OR5B2: variants seen among roughly 807,000 people sequenced by gnomAD.
OR5B2 encodes the protein olfactory receptor 5B2.
For synonymous variants in OR5B2, 163 were observed against 140.8 expected, an observed-to-expected ratio of 1.16 and a Z score of -1.11; for missense variants, 411 against 367.0, an observed-to-expected ratio of 1.12 and a Z score of -0.98.
intron 1 of OR5B2, among the ~76,000 whole-genome samples, chr11:58,427,470 A>G (rs1427337460): frequency 6.6e-6 from 1 of 152,178 alleles, no homozygotes; most frequent in Non-Finnish European, 1.5e-5. Flanking sequence ...TATAGGTTGT[A>G]TAAACACTTA....
intron 1 of OR5B2, among the ~76,000 whole-genome samples, 186 bp downstream of exon 1, chr11:58,427,833 A>G (rs1419782392): frequency 6.6e-6 from 1 of 152,114 alleles, no homozygotes; most frequent in Non-Finnish European, 1.5e-5. Flanking sequence ...GACTTGGGGA[A>G]CAGTCAAGGG....
Position 58,422,997 on chromosome 11 carries a change from C to T in OR5B2, c.265G>A (p.Val89Ile), listed in dbSNP as rs774268717. The T allele has an allele frequency of 5.0e-6, 8 of 1,613,794 alleles. No individual in the cohort carries two copies. The highest frequency in any genetic ancestry group is 1.7e-5 in the Admixed American group (1 of 59,952). The change falls in exon 3 of 3, where the codon GTC (valine) becomes ATC (isoleucine). Residue 89 changes from valine to isoleucine, a missense_variant. Val to Ile is a conservative substitution (Grantham distance 29, BLOSUM62 3). Transcript: ENST00000641342. ...VMAGFLRGDK[V>I]ISYNACAVQM... ...ACAGCACATGCATTGTAGGAGATGA[C>T]CTTGTCTCCTCTAAGGAACCCAGCC...
rs891125281 is a variant in OR5B2, at chr11:58,426,296, A to C, written c.-29+326T>G. Among the ~76,000 whole-genome samples, 5 of 152,088 alleles carry C rather than the reference A, an allele frequency of 3.3e-5. No homozygotes were observed. The East Asian group carries it at 7.7e-4, about 24-fold the overall frequency. On this transcript the variant is annotated intron_variant, in intron 2 of 2. Transcript: ENST00000641342. ...CTCAGGTATTAGCCTGGGACCCATT[A>C]GTTATTTTTTTTCTGATCCTCTCCC... is the stretch of plus-strand genomic sequence containing the variant.
rs868791170 is a variant in OR5B2, at chr11:58,421,704, G to A, written c.*628C>T. 5 of 152,210 alleles carry A rather than the reference G, an allele frequency of 3.3e-5. 1 individual carries two copies. Among genetic ancestry groups the A allele is most frequent in the Middle Eastern group, 6.8e-3 (2 of 292 alleles). The allele number at this position is 152,210 out of a possible 1,614,324, so 9.4% of individuals were successfully genotyped here. A position where few individuals can be genotyped will look rare whatever the true frequency, so the allele number is the denominator to read the frequency against. On this transcript the variant is annotated 3_prime_UTR_variant, in exon 3 of 3. Coordinates refer to ENST00000641342, the MANE Select transcript of OR5B2 (RefSeq NM_001005566.3). ...CTTGAGATGATAATGATGTGTCAATGTAGGTTCATCAATTGTAAAAAATGT... is the reference window on the plus strand; with the variant it reads ...CTTGAGATGATAATGATGTGTCAATATAGGTTCATCAATTGTAAAAAATGT...
chr11:58,423,264 G>C lies in OR5B2; in HGVS notation c.-3C>G, dbSNP rs372579367. ...GTCACTTCCGTACAATTCTCCATCA[G>C]TATTATCTGAGAAACTTAAGATGAC... On this transcript the variant is annotated 5_prime_UTR_variant, in exon 3 of 3. Transcript: ENST00000641342. 3.9e-6 allele frequency: 6 copies of C among 1,552,866 alleles called. No homozygotes were observed. The highest frequency in any genetic ancestry group is 1.2e-5 in the South Asian group (1 of 82,898).
chr11:58,426,961 C>T (rs1311815065), intron 1 of OR5B2, among the ~76,000 whole-genome samples: 2 of 152,100 alleles, frequency 1.3e-5, no homozygotes, highest in Non-Finnish European at 2.9e-5. Flanking sequence ...TTGTTGCAGA[C>T]TCAGAGTAAT....
chr11:58,428,032 G>A lies in OR5B2; in HGVS notation c.-97C>T, dbSNP rs1348739636. ...TTGTGATCTTACCTTGATTGGAGGA[G>A]GAATCCACATGGCCAGAATGGAGAG... On this transcript the variant is annotated 5_prime_UTR_variant, in exon 1 of 3. Transcript: ENST00000641342. The A allele has an allele frequency of 6.6e-6, 1 of 152,400 alleles. No homozygotes were observed. The highest frequency in any genetic ancestry group is 1.5e-5 in the Non-Finnish European group (1 of 68,254). 9.4% of individuals were successfully genotyped at this position (152,400 alleles called of 1,614,324 possible).
rs992693950 is a variant in OR5B2 at position 58,423,073 on chromosome 11, G to T, written c.189C>A (p.Asn63Lys). 23 of 1,613,728 alleles carry T rather than the reference G, an allele frequency of 1.4e-5. No homozygotes were observed. Among genetic ancestry groups the T allele is most frequent in the Middle Eastern group, 1.7e-4 (1 of 6,058 alleles). Residue 63 changes from asparagine (N) to lysine (K), a missense_variant, in exon 3 of 3, where the codon AAC (asparagine) becomes AAA (lysine). Physicochemically the swap from Asn to Lys is moderately conservative, Grantham distance 94. Coordinates refer to ENST00000641342, the MANE Select transcript of OR5B2 (RefSeq NM_001005566.3). ...LHTPMYFFLSNLSLVDFGYSS... is the reference protein window; with the variant it reads ...LHTPMYFFLSKLSLVDFGYSS... ...AGTATCCAAAGTCCACCAGAGACAG[G>T]TTACTGAGGAAAAAGTACATGGGGG...
intron 2 of OR5B2, among the ~76,000 whole-genome samples, chr11:58,425,586 G>A (rs192483612): frequency 3.3e-5 from 5 of 152,084 alleles, no homozygotes; most frequent in Admixed American, 2.0e-4. Context: ...AAAAAAATAT[G>A]TCTCAGGTAG....
chr11:58,424,250 C>T (rs1242532727), intron 2 of OR5B2, among the ~76,000 whole-genome samples: 3 of 152,102 alleles, frequency 2.0e-5, no homozygotes, highest in Non-Finnish European at 2.9e-5. Flanking sequence ...ATAATATTAT[C>T]GTTAGAATGG....
rs746478848 is a variant in OR5B2, at chr11:58,422,789, A to G, written c.473T>C (p.Ile158Thr). 5.6e-5 allele frequency: 91 copies of G among 1,613,696 alleles called. No homozygotes were observed. Among genetic ancestry groups the G allele is most frequent in the African/African-American group, 2.9e-4 (22 of 74,898 alleles). The change falls in exon 3 of 3, where the codon ATT becomes ACT. Residue 158 changes from isoleucine (I) to threonine (T), a missense_variant. Physicochemically the swap from Ile to Thr is moderately conservative, Grantham distance 89 (BLOSUM62 -1). Transcript: ENST00000641342. The part of the protein sequence containing the change: ...VCGFLNASFH[I>T]GGIFSLSFCK... ...GAAAGAGAGACTGAATATGCCCCCA[A>G]TGTGGAATGAGGCATTTAGGAAGCC...
Position 58,423,173 on chromosome 11 carries a change from G to T in OR5B2, c.89C>A (p.Thr30Asn). The T allele has an allele frequency of 6.2e-7, 1 of 1,613,610 alleles. No homozygotes were observed. Among genetic ancestry groups the T allele is most frequent in the Middle Eastern group, 1.7e-4 (1 of 6,054 alleles). The change falls in exon 3 of 3, where the codon ACC becomes AAC. Residue 30 changes from threonine to asparagine, a missense_variant. Thr to Asn is a moderately conservative substitution (Grantham distance 65). Coordinates refer to ENST00000641342, the MANE Select transcript of OR5B2 (RefSeq NM_001005566.3). ...ACACAGAGTGAGGAGGTAGATGAAG[G>T]TGAACAAGATAAAGAGGGGGATCTG... ...ELQIPLFILF[T>N]FIYLLTLCGN...
In OR5B2 at chr11:58,422,975, G is replaced by A; in HGVS notation, c.287C>T (p.Ala96Val). Residue 96 changes from alanine (A) to valine (V), a missense_variant, in exon 3 of 3, where the codon GCT becomes GTT. Transcript: ENST00000641342. ...GGCTACAAAGAAGAACATCTGAACA[G>A]CACATGCATTGTAGGAGATGACCTT... ...GDKVISYNACAVQMFFFVALA... is the reference protein window; with the variant it reads ...GDKVISYNACVVQMFFFVALA... The A allele has an allele frequency of 6.2e-7, 1 of 1,613,842 alleles. No individual in the cohort carries two copies. The highest frequency in any genetic ancestry group is 8.5e-7 in the Non-Finnish European group (1 of 1,179,854).
chr11:58,423,368 T>G (rs1855303816), intron 2 of OR5B2, 79 bp from the exon 3 acceptor site: 1 of 610,318 alleles, frequency 1.6e-6, no homozygotes, highest in African/African-American at 1.9e-5. Flanking sequence ...ATATGCATTA[T>G]GTAATTATAG....
Position 58,423,302 on chromosome 11 carries a change from G to T in OR5B2, c.-28-13C>A. ...AACTTAAGATGACCTGTAGCAATGA[G>T]AAATAAAGCAATAGAGTGATAAACA... is the stretch of plus-strand genomic sequence containing the variant. On this transcript the variant is annotated splice_polypyrimidine_tract_variant and intron_variant, in intron 2 of 2. Coordinates refer to ENST00000641342, the MANE Select transcript of OR5B2 (RefSeq NM_001005566.3). 8.0e-7 allele frequency: 1 copy of T among 1,247,310 alleles called. No homozygotes were observed. The highest frequency in any genetic ancestry group is 1.1e-6 in the Non-Finnish European group (1 of 889,032). The allele number at this position is 1,247,310 out of a possible 1,614,324, so 77.3% of individuals were successfully genotyped here.
chr11:58,427,778 A>T (rs1292230722), intron 1 of OR5B2, among the ~76,000 whole-genome samples: 1 of 152,148 alleles, frequency 6.6e-6, no homozygotes, highest in Non-Finnish European at 1.5e-5. Context: ...AAGCCAGGCA[A>T]CCTAGGCTAT....
rs1385651202 is a variant in OR5B2, at chr11:58,421,965, T to G, written c.*367A>C. ...TAAATTTCTCCTTCTAATGCCTATG[T>G]GCCCACAAGAGGCATAAACATGTAC... On this transcript the variant is annotated 3_prime_UTR_variant, in exon 3 of 3. Coordinates refer to ENST00000641342, the MANE Select transcript of OR5B2 (RefSeq NM_001005566.3). The G allele has an allele frequency of 1.2e-5, 2 of 165,736 alleles. No homozygotes were observed. Among genetic ancestry groups the G allele is most frequent in the Non-Finnish European group, 2.6e-5 (2 of 76,608 alleles). The allele number at this position is 165,736 out of a possible 1,614,324, so 10.3% of individuals were successfully genotyped here.
chr11:58,422,812 G>A lies in OR5B2; in HGVS notation c.450C>T (p.Gly150=), dbSNP rs993867468. The A allele has an allele frequency of 6.2e-7, 1 of 1,613,800 alleles. No individual in the cohort carries two copies. The highest frequency in any genetic ancestry group is 1.1e-5 in the South Asian group (1 of 91,066). The change falls in exon 3 of 3, where the codon GGC becomes GGT. Residue 150 remains glycine, a synonymous_variant. Transcript: ENST00000641342. ...ACLALGSYVC[G]FLNASFHIGG... is the part of the protein sequence containing the mutation. Reference sequence around the variant, plus strand: ...CAATGTGGAATGAGGCATTTAGGAAGCCACAGACATATGAGCCTAGGGCCA... The same window carrying A: ...CAATGTGGAATGAGGCATTTAGGAAACCACAGACATATGAGCCTAGGGCCA...
intron 2 of OR5B2, 72 bp from the exon 3 acceptor site, chr11:58,423,361 T>C: frequency 3.1e-6 from 2 of 643,892 alleles, no homozygotes; most frequent in Non-Finnish European, 2.5e-6. Flanking sequence ...AAATACTATA[T>C]GCATTATGTA....
Sources: gnomAD v4.1 joint callset for allele counts (sites outside exome capture counted in the v4.1 genomes callset) on GRCh38, gnomAD v4.1.1 for gene constraint, MANE v1.5 for transcripts, NCBI Gene and HGNC (gene_info 2026-07-23, HGNC 2026-07-21) for gene names.